The following TCF7L2 variants were observed in gnomAD, a reference collection of about 807,000 sequenced individuals.
The protein encoded by TCF7L2 is transcription factor 7-like 2.
A neutral mutation model predicts 77.9 loss-of-function variants in TCF7L2; 23 were observed. The observed-to-expected ratio is 0.30, with a 90% CI of 0.21 to 0.42. TCF7L2 has a LOEUF of 0.42. Among genes scored for constraint, TCF7L2 ranks in the 10% least tolerant of loss-of-function variants. TCF7L2 has a pLI of 1.00. For synonymous variants in TCF7L2, 413 were observed against 340.2 expected (o/e 1.21, Z -2.36); for missense variants, 654 against 793.1 (o/e 0.82, Z 2.11).
At chr10:113,013,813 G>A (rs531936482) in intron 4 of TCF7L2, among the ~76,000 whole-genome samples, 1 of 152,270 alleles carries the variant, frequency 6.6e-6, no homozygotes, top group African/African-American at 2.4e-5. Context: ...TCAGGGACAT[G>A]TATTGAGATG....
At chr10:113,062,303 T>A (rs1171650614) in intron 5 of TCF7L2, among the ~76,000 whole-genome samples, 2 of 152,174 alleles carry the variant, frequency 1.3e-5, no homozygotes, top group Non-Finnish European at 1.5e-5. Flanking sequence ...AGCTGGCTGC[T>A]TCCCTCCTCA....
chr10:113,010,372 C>T (rs1368522241), intron 4 of TCF7L2, among the ~76,000 whole-genome samples: 2 of 152,108 alleles, frequency 1.3e-5, no homozygotes, highest in African/African-American at 4.8e-5. Flanking sequence ...GCCCGGGGCC[C>T]ACTTTGGGAG....
chr10:113,104,278 TCTC>T (rs763759005), intron 5 of TCF7L2, among the ~76,000 whole-genome samples: 10 of 152,310 alleles, frequency 6.6e-5, no homozygotes, highest in Admixed American at 3.9e-4. Context: ...GCTTTTGACT[TCTC>T]CTCTGTGATG....
At chr10:113,109,960 G>A (rs115788414) in intron 5 of TCF7L2, among the ~76,000 whole-genome samples, 6,179 of 152,194 alleles carry the variant, frequency 0.041, 429 homozygotes, top group African/African-American at 0.14. Flanking sequence ...AAAGTGACTT[G>A]TTTGAAGATT....
intron 4 of TCF7L2, among the ~76,000 whole-genome samples, chr10:112,989,987 G>T (rs2042235830): frequency 6.6e-6 from 1 of 152,220 alleles, no homozygotes; most frequent in Non-Finnish European, 1.5e-5. Flanking sequence ...TTCTGCGAAT[G>T]TGTTGGCTTT....
At chr10:113,108,135 C>T (rs960085073) in intron 5 of TCF7L2, among the ~76,000 whole-genome samples, 1 of 152,066 alleles carries the variant, frequency 6.6e-6, no homozygotes, top group Non-Finnish European at 1.5e-5. Context: ...CAAAAGAATC[C>T]CGTTTTTATG....
At chr10:113,135,299 TC>T (rs995053188) in intron 5 of TCF7L2, among the ~76,000 whole-genome samples, 4 of 151,648 alleles carry the variant, frequency 2.6e-5, no homozygotes, top group Admixed American at 1.3e-4. Context: ...CCCTCCCCAT[TC>T]CCCCCCACTG....
chr10:113,063,937 T>C (rs540443997), intron 5 of TCF7L2, among the ~76,000 whole-genome samples: 24 of 151,188 alleles, frequency 1.6e-4, no homozygotes, highest in African/African-American at 5.4e-4. Context: ...GTTGGATGGA[T>C]GGATGATGTG....
chr10:113,050,110 C>G (rs763644985), intron 5 of TCF7L2, among the ~76,000 whole-genome samples: 2 of 152,166 alleles, frequency 1.3e-5, no homozygotes, highest in Admixed American at 1.3e-4. Context: ...CTAGCCCGAG[C>G]CTGCATAGCT....
chr10:113,079,664 C>CT lies in TCF7L2; in HGVS notation c.552+39547dup, dbSNP rs374272267. Among the ~76,000 whole-genome samples, 158 of 151,106 alleles carry CT rather than the reference C, an allele frequency of 1.0e-3. 1 individual carries two copies. Among genetic ancestry groups the CT allele is most frequent in the African/African-American group, 3.6e-3 (147 of 41,204 alleles). On this transcript the variant is annotated intron_variant, in intron 5 of 13. Coordinates refer to ENST00000627217, the MANE Select transcript of TCF7L2 (RefSeq NM_001146274.2). ...CTTATTCTGGCAGATGGACCCATCC[C>CT]TTTTTTTTTCTGAGACAGAGTCTCG...
At chr10:113,113,508 G>C (rs1315911107) in intron 5 of TCF7L2, among the ~76,000 whole-genome samples, 2 of 152,114 alleles carry the variant, frequency 1.3e-5, no homozygotes, top group African/African-American at 4.8e-5. Context: ...TCTCTTGAAA[G>C]GGGGGTTCTG....
chr10:113,100,279 T>G (rs904341317), intron 5 of TCF7L2, among the ~76,000 whole-genome samples: 1 of 152,168 alleles, frequency 6.6e-6, no homozygotes, highest in African/African-American at 2.4e-5. Context: ...GCATCCCCAC[T>G]GAAATGATAG....
chr10:113,106,327 CA>C (rs2062314357), intron 5 of TCF7L2, among the ~76,000 whole-genome samples: 1 of 152,204 alleles, frequency 6.6e-6, no homozygotes, highest in African/African-American at 2.4e-5. Context: ...GCTGTAAGAT[CA>C]AGCAATCGTG....
chr10:113,165,677 G>A lies in TCF7L2; in HGVS notation c.1514G>A (p.Arg505Gln), dbSNP rs766219492. 15 of 1,319,046 alleles carry A rather than the reference G, an allele frequency of 1.1e-5. No individual in the cohort carries two copies. In the Admixed American group the frequency reaches 2.6e-4, roughly 23 times the overall value. 81.7% of individuals were successfully genotyped at this position (1,319,046 alleles called of 1,614,324 possible). A position where few individuals can be genotyped will look rare whatever the true frequency, so the allele number is the denominator to read the frequency against. ...CCGAACCTGCTAGGCTCCCCTCCCC[G>A]AGACGCCAAGTCACAGACTGAGCAG... Residue 505 changes from arginine to glutamine, a missense_variant, in exon 14 of 14, where the codon CGA becomes CAA. Arg to Gln is a conservative substitution (Grantham distance 43, BLOSUM62 1). Coordinates refer to ENST00000627217, the MANE Select transcript of TCF7L2 (RefSeq NM_001146274.2).
intron 5 of TCF7L2, among the ~76,000 whole-genome samples, chr10:113,060,061 A>G (rs1380359140): frequency 1.3e-5 from 2 of 152,336 alleles, no homozygotes; most frequent in Non-Finnish European, 2.9e-5. Context: ...GATTTCTGAT[A>G]ACATTTACAT....
At chr10:113,145,231 T>C (rs1466543951) in intron 7 of TCF7L2, among the ~76,000 whole-genome samples, 1 of 152,150 alleles carries the variant, frequency 6.6e-6, no homozygotes, top group Admixed American at 6.5e-5. Flanking sequence ...ACGGTAGACA[T>C]GAACATGAGC....
intron 4 of TCF7L2, among the ~76,000 whole-genome samples, chr10:113,033,813 T>C (rs116369954): frequency 0.02 from 3,089 of 152,340 alleles, 35 homozygotes; most frequent in Non-Finnish European, 0.031. Context: ...ACCTTCTGCA[T>C]CTGCAGAAAA....
chr10:112,961,287 G>A (rs1214916900), intron 3 of TCF7L2, among the ~76,000 whole-genome samples: 4 of 96,966 alleles, frequency 4.1e-5, no homozygotes, highest in South Asian at 3.1e-4. Context: ...CTTCCAAAGC[G>A]CTGGGATTAC....
At chr10:112,964,007 C>CG (rs1407543071) in intron 3 of TCF7L2, among the ~76,000 whole-genome samples, 2 of 152,110 alleles carry the variant, frequency 1.3e-5, no homozygotes, top group East Asian at 3.8e-4. Flanking sequence ...TGTAAGGCAT[C>CG]GGGTGGCCCC....
Sources: gnomAD v4.1 joint callset for allele counts (sites outside exome capture counted in the v4.1 genomes callset) on GRCh38, gnomAD v4.1.1 for gene constraint, MANE v1.5 for transcripts, NCBI Gene and HGNC (gene_info 2026-07-23, HGNC 2026-07-21) for gene names.